The following MARCHF7 variants were observed in gnomAD, a reference collection of about 807,000 sequenced individuals.
The protein encoded by MARCHF7 is E3 ubiquitin-protein ligase MARCHF7.
Under a neutral mutation model 76.5 loss-of-function variants are expected in MARCHF7, and 20 were observed. The ratio of observed to expected loss-of-function variants is 0.26; its 90% confidence interval spans 0.18 to 0.38. The LOEUF (loss-of-function observed/expected upper bound fraction) is 0.38. Among genes scored for constraint, MARCHF7 ranks in the 10% least tolerant of loss-of-function variants. The probability of loss-of-function intolerance (pLI) is 1.00; values close to 1 mark genes in which losing one functional copy is unlikely to be tolerated. For synonymous variants in MARCHF7, 295 were observed against 293.0 expected, an observed-to-expected ratio of 1.01 and a Z score of -0.07; for missense variants, 797 against 812.9, an observed-to-expected ratio of 0.98 and a Z score of 0.24.
At chr2:159,717,251 G>A (rs1701138164) in intron 3 of MARCHF7, among the ~76,000 whole-genome samples, 1 of 152,186 alleles carries the variant, frequency 6.6e-6, no homozygotes, top group Non-Finnish European at 1.5e-5. Context: ...ATCCTAGGCA[G>A]TGCAGCAACG....
chr2:159,768,765 T>C lies in MARCHF7; in HGVS notation c.*1423T>C, dbSNP rs1313872176. 6.6e-6 allele frequency: 1 copy of C among 152,284 alleles called. No homozygotes were observed. Among genetic ancestry groups the C allele is most frequent in the African/African-American group, 2.4e-5 (1 of 41,468 alleles). The allele number at this position is 152,284 out of a possible 1,614,324, so 9.4% of individuals were successfully genotyped here. A position where few individuals can be genotyped will look rare whatever the true frequency, so the allele number is the denominator to read the frequency against. Reference sequence around the variant, plus strand: ...GCAAAAATATAAAATTTAAGGGTGGTAGTTTTAATATATTCTGTGGGTCCT... The same window carrying C: ...GCAAAAATATAAAATTTAAGGGTGGCAGTTTTAATATATTCTGTGGGTCCT... On this transcript the variant is annotated 3_prime_UTR_variant, in exon 12 of 12. Coordinates refer to ENST00000409175, the MANE Select transcript of MARCHF7 (RefSeq NM_001282805.2).
Position 159,748,064 on chromosome 2 carries a change from A to G in MARCHF7, c.774A>G (p.Glu258=). ...AAGCCCCAATCATAAGCAATTCAGA[A>G]AGGGTTGTTTCATCTCAAAGACCAT... The part of the protein sequence containing the change: ...RDEAPIISNS[E]RVVSSQRPFQ... The change falls in exon 7 of 12, where the codon GAA becomes GAG. Residue 258 remains glutamate, a synonymous_variant. Transcript: ENST00000409175. 6.2e-7 allele frequency: 1 copy of G among 1,614,170 alleles called. No individual in the cohort carries two copies. Among genetic ancestry groups the G allele is most frequent in the Non-Finnish European group, 8.5e-7 (1 of 1,180,012 alleles).
At position 159,770,170 on chromosome 2, in the gene MARCHF7, TG is replaced by T. The variant is rs1708090116; in HGVS notation, c.*2831del. On this transcript the variant is annotated 3_prime_UTR_variant, in exon 12 of 12. Transcript: ENST00000409175. ...TAGTTCTTCAAGGAGTGGTACAATT[TG>T]GGTAGGAAAACCAGGCAGGAATTCC... The T allele has an allele frequency of 6.6e-6, 1 of 152,180 alleles. No homozygotes were observed. The highest frequency in any genetic ancestry group is 1.5e-5 in the Non-Finnish European group (1 of 68,032). The allele number at this position is 152,180 out of a possible 1,614,324, so 9.4% of individuals were successfully genotyped here.
intron 4 of MARCHF7, among the ~76,000 whole-genome samples, chr2:159,736,151 G>A (rs919916815): frequency 2.6e-5 from 4 of 152,248 alleles, no homozygotes; most frequent in Admixed American, 2.0e-4. Context: ...TGGAATTGCC[G>A]AGTCATGCAT....
chr2:159,717,432 G>T (rs1438262006), intron 3 of MARCHF7, among the ~76,000 whole-genome samples: 2 of 152,178 alleles, frequency 1.3e-5, no homozygotes, highest in African/African-American at 4.8e-5. Context: ...GAGGTTGAAT[G>T]TGGATAATAG....
At position 159,745,887 on chromosome 2, in the gene MARCHF7, G is replaced by A; in HGVS notation, c.464G>A (p.Ser155Asn). The A allele has an allele frequency of 6.2e-7, 1 of 1,612,878 alleles. No individual in the cohort carries two copies. The highest frequency in any genetic ancestry group is 1.1e-5 in the South Asian group (1 of 90,958). Residue 155 changes from serine (S) to asparagine (N), a missense_variant, in exon 6 of 12, where the codon AGT (serine) becomes AAT (asparagine). Coordinates refer to ENST00000409175, the MANE Select transcript of MARCHF7 (RefSeq NM_001282805.2). ...GAGAGAAGAACAGATTCCTCTATTA[G>A]TAATCTTATGGATTATAGTCACCGA... ...DLERRTDSSI[S>N]NLMDYSHRSG... is the part of the protein sequence containing the mutation.
chr2:159,729,819 T>C (rs1342845234), intron 4 of MARCHF7, among the ~76,000 whole-genome samples: 2 of 152,230 alleles, frequency 1.3e-5, no homozygotes, highest in African/African-American at 4.8e-5. Context: ...TCACACTGAT[T>C]CATCTGACTT....
At chr2:159,765,542 A>AAATAC (rs1188471114) in intron 11 of MARCHF7, among the ~76,000 whole-genome samples, 1 of 152,162 alleles carries the variant, frequency 6.6e-6, no homozygotes, top group Non-Finnish European at 1.5e-5. Flanking sequence ...TGTCTTTTTA[A>AAATAC]AATACGTATT....
chr2:159,734,105 T>C (rs1380687553), intron 4 of MARCHF7: 1 of 1,283,600 alleles, frequency 7.8e-7, no homozygotes, highest in Admixed American at 2.9e-5. Flanking sequence ...TACATGTTTT[T>C]AAAGGAAAAT....
At chr2:159,724,204 T>G (rs1701927599) in intron 3 of MARCHF7, among the ~76,000 whole-genome samples, 1 of 152,246 alleles carries the variant, frequency 6.6e-6, no homozygotes, top group Non-Finnish European at 1.5e-5. Context: ...AAGCATTATT[T>G]CATTGTCTTA....
At chr2:159,767,176 A>C (rs1240680755) in intron 11 of MARCHF7, 108 bp from the exon 12 acceptor site, 2 of 771,990 alleles carry the variant, frequency 2.6e-6, no homozygotes, top group East Asian at 5.1e-5. Flanking sequence ...AATATACTAA[A>C]TTGGGATTTT....
chr2:159,720,698 A>G (rs1040718270), intron 3 of MARCHF7, among the ~76,000 whole-genome samples: 1 of 152,238 alleles, frequency 6.6e-6, no homozygotes, highest in Non-Finnish European at 1.5e-5. Flanking sequence ...ATATTCCTCT[A>G]GCAAGATTTA....
chr2:159,753,347 G>C (rs13010201), intron 8 of MARCHF7, among the ~76,000 whole-genome samples: 1 of 151,912 alleles, frequency 6.6e-6, no homozygotes, highest in Non-Finnish European at 1.5e-5. Context: ...CGAGACGGGC[G>C]GATCACGAGG....
chr2:159,765,480 A>G (rs1212078385), intron 11 of MARCHF7, among the ~76,000 whole-genome samples: 1 of 152,034 alleles, frequency 6.6e-6, no homozygotes, highest in Non-Finnish European at 1.5e-5. Flanking sequence ...CCCAACCCCT[A>G]CATATTTTAC....
intron 4 of MARCHF7, among the ~76,000 whole-genome samples, chr2:159,738,370 G>GGA (rs1191435048): frequency 6.6e-6 from 1 of 152,214 alleles, no homozygotes; most frequent in Non-Finnish European, 1.5e-5. Flanking sequence ...TGAGTGGGGG[G>GGA]TAGGAAGGGA....
At chr2:159,743,614 A>G (rs545185423) in intron 5 of MARCHF7, among the ~76,000 whole-genome samples, 1 of 152,296 alleles carries the variant, frequency 6.6e-6, no homozygotes, top group East Asian at 1.9e-4. Flanking sequence ...TGTCTTATAT[A>G]AATGATAAAC....
At chr2:159,757,195 G>A (rs1362947007) in intron 8 of MARCHF7, among the ~76,000 whole-genome samples, 1 of 152,164 alleles carries the variant, frequency 6.6e-6, no homozygotes, top group African/African-American at 2.4e-5. Context: ...ACCATACCTG[G>A]CCTGGAGTTA....
intron 7 of MARCHF7, among the ~76,000 whole-genome samples, chr2:159,749,746 CGGT>C (rs1705395223): frequency 7.2e-6 from 1 of 139,754 alleles, no homozygotes; most frequent in African/African-American, 2.6e-5. Flanking sequence ...GCGGGGGGGG[CGGT>C]TGTGAATTGT....
intron 6 of MARCHF7, among the ~76,000 whole-genome samples, chr2:159,746,279 C>A (rs554484395): frequency 2.6e-5 from 4 of 152,330 alleles, no homozygotes; most frequent in Non-Finnish European, 4.4e-5. Flanking sequence ...TCTGATTATT[C>A]TTCTACTTCT....
Sources: gnomAD v4.1 joint callset for allele counts (sites outside exome capture counted in the v4.1 genomes callset) on GRCh38, gnomAD v4.1.1 for gene constraint, MANE v1.5 for transcripts, NCBI Gene and HGNC (gene_info 2026-07-23, HGNC 2026-07-21) for gene names.